The following ARHGEF7 variants were observed in gnomAD, a reference collection of about 807,000 sequenced individuals.
The protein encoded by ARHGEF7 is PAK-interacting exchange factor beta.
In ARHGEF7, 33 loss-of-function variants were observed where a neutral mutation model predicts 109.8. The observed-to-expected ratio is 0.30, with a 90% CI of 0.23 to 0.40. ARHGEF7 has a LOEUF of 0.40. ARHGEF7 is among the 10% of genes least tolerant of loss of function. The pLI, the probability that ARHGEF7 is intolerant of heterozygous loss-of-function variation, is 1.00. For missense variants in ARHGEF7, 938 were observed against 1,098.5 expected, an observed-to-expected ratio of 0.85 and a Z score of 2.07; for synonymous variants, 458 against 424.6, an observed-to-expected ratio of 1.08 and a Z score of -0.97.
Position 111,303,845 on chromosome 13 carries a change from G to C in ARHGEF7, c.*732G>C, listed in dbSNP as rs1181999724. On this transcript the variant is annotated 3_prime_UTR_variant, in exon 22 of 22. Coordinates refer to ENST00000646102, the MANE Select transcript of ARHGEF7 (RefSeq NM_001354046.2). The stretch of plus-strand genomic sequence containing the variant: ...CTAGAGGTGTTTGCTCTTGTCCGCT[G>C]TCTGAGTACTGTGATTCTCAGATGA... 6.6e-6 allele frequency: 1 copy of C among 152,284 alleles called. No individual in the cohort carries two copies. Among genetic ancestry groups the C allele is most frequent in the South Asian group, 2.1e-4 (1 of 4,832 alleles). 9.4% of individuals were successfully genotyped at this position (152,284 alleles called of 1,614,324 possible).
At chr13:111,277,543 A>T (rs1423515072) in intron 12 of ARHGEF7, 44 bp from the exon 13 acceptor site, 3 of 1,201,494 alleles carry the variant, frequency 2.5e-6, no homozygotes, top group Non-Finnish European at 3.7e-6. Context: ...TTTGTTAAGT[A>T]GATGTTTTTT....
intron 2 of ARHGEF7, among the ~76,000 whole-genome samples, chr13:111,196,817 A>G (rs1349340750): frequency 4.6e-5 from 7 of 152,176 alleles, no homozygotes; most frequent in East Asian, 3.8e-4. Context: ...AAAGCTGGAC[A>G]TAAGGTATTT....
chr13:111,121,642 T>A (rs1044708932), intron 1 of ARHGEF7, among the ~76,000 whole-genome samples: 1 of 152,200 alleles, frequency 6.6e-6, no homozygotes, highest in Non-Finnish European at 1.5e-5. Context: ...ATCATCCCTT[T>A]GGGCACGCAA....
chr13:111,129,232 T>C (rs184807097), intron 1 of ARHGEF7, among the ~76,000 whole-genome samples: 3 of 152,284 alleles, frequency 2.0e-5, no homozygotes, highest in East Asian at 1.9e-4. Flanking sequence ...TAGATCTAAA[T>C]GTAAAGCCTA....
intron 8 of ARHGEF7, among the ~76,000 whole-genome samples, chr13:111,256,555 G>T (rs1043321607): frequency 6.6e-6 from 1 of 152,124 alleles, no homozygotes. Context: ...TTGTCTTTTC[G>T]TGTTTGTGCC....
At chr13:111,297,558 A>G (rs2093455104) in intron 19 of ARHGEF7, among the ~76,000 whole-genome samples, 1 of 152,232 alleles carries the variant, frequency 6.6e-6, no homozygotes, top group Non-Finnish European at 1.5e-5. Flanking sequence ...ATATTTACAA[A>G]ATGTAATATT....
At chr13:111,195,503 C>G (rs535202494) in intron 2 of ARHGEF7, among the ~76,000 whole-genome samples, 3 of 152,326 alleles carry the variant, frequency 2.0e-5, no homozygotes, top group South Asian at 2.1e-4. Flanking sequence ...GAGATTAACA[C>G]TGAGAAGGCC....
At chr13:111,196,831 T>A (rs779324287) in intron 2 of ARHGEF7, among the ~76,000 whole-genome samples, 1 of 152,164 alleles carries the variant, frequency 6.6e-6, no homozygotes, top group Non-Finnish European at 1.5e-5. Flanking sequence ...GGTATTTCAA[T>A]CCATTTGCCT....
rs1566871250 is a variant in ARHGEF7, at chr13:111,221,347, A to ATAGATATATATAGACAT, written c.670+3469_670+3470insGATATATATAGACATTA. On this transcript the variant is annotated intron_variant, in intron 5 of 21. Transcript: ENST00000646102. ...TATATATGTCTATATATATCTATATATATGTCTATATATATATCTATATAT... is the reference window on the plus strand; with the variant it reads ...TATATATGTCTATATATATCTATATATAGATATATATAGACATTATGTCTATATATATATCTATATAT... Among the ~76,000 whole-genome samples the ATAGATATATATAGACAT allele has an allele frequency of 6.8e-4, 20 of 29,332 alleles. 7 individuals carry two copies. Among genetic ancestry groups the ATAGATATATATAGACAT allele is most frequent in the Non-Finnish European group, 1.0e-3 (15 of 14,616 alleles). The allele number at this position is 29,332 out of a possible 152,430, so 19.2% of individuals were successfully genotyped here.
intron 16 of ARHGEF7, among the ~76,000 whole-genome samples, chr13:111,284,790 GCCGCTCTGCAGC>G (rs1567082303): frequency 6.6e-6 from 1 of 152,150 alleles, no homozygotes; most frequent in South Asian, 2.1e-4. Flanking sequence ...GCTCGTGGAG[GCCGCTCTGCAGC>G]CCGCTCTGCC....
chr13:111,240,518 A>G (rs965161834), intron 6 of ARHGEF7, among the ~76,000 whole-genome samples: 3 of 152,172 alleles, frequency 2.0e-5, no homozygotes, highest in African/African-American at 7.2e-5. Context: ...AGCTTCTGGG[A>G]TTTCTTGTCA....
intron 2 of ARHGEF7, among the ~76,000 whole-genome samples, chr13:111,157,869 C>T (rs1245352520): frequency 6.6e-6 from 1 of 152,172 alleles, no homozygotes; most frequent in Non-Finnish European, 1.5e-5. Context: ...CCCTATGCAA[C>T]ATTGTCTGAT....
chr13:111,275,873 CT>C (rs1265606064), intron 12 of ARHGEF7, 195 bp downstream of exon 12: 2 of 644,996 alleles, frequency 3.1e-6, no homozygotes, highest in African/African-American at 3.7e-5. Context: ...TGAGTGTGGA[CT>C]TGTTGATCAG....
In ARHGEF7 at chr13:111,303,355, C is replaced by T. The variant is rs1037303047; in HGVS notation, c.*242C>T. ...CTACATCAATCCACTCTGTGAACAT[C>T]TCAGTTACCTCATTCTGCAATAAGT... On this transcript the variant is annotated 3_prime_UTR_variant, in exon 22 of 22. Coordinates refer to ENST00000646102, the MANE Select transcript of ARHGEF7 (RefSeq NM_001354046.2). The T allele has an allele frequency of 6.3e-6, 2 of 319,854 alleles. No homozygotes were observed. The allele number at this position is 319,854 out of a possible 1,614,324, so 19.8% of individuals were successfully genotyped here.
rs2092239242 is a variant in ARHGEF7 at position 111,272,609 on chromosome 13, C to G, written c.1074-1205C>G. On this transcript the variant is annotated intron_variant, in intron 9 of 21. Coordinates refer to ENST00000646102, the MANE Select transcript of ARHGEF7 (RefSeq NM_001354046.2). This position sits in a 1 kb window ranked among gnomAD's most constrained non-coding sequence, Gnocchi z 5.2. Reference sequence around the variant, plus strand: ...ACCAAGCTCTGCTGACTAGAGACCCCTATCTTCTAGGATGGGGCGTGGTGA... The same window carrying G: ...ACCAAGCTCTGCTGACTAGAGACCCGTATCTTCTAGGATGGGGCGTGGTGA... 6.6e-6 allele frequency among the ~76,000 whole-genome samples: 1 copy of G among 152,170 alleles called. No homozygotes were observed. Among genetic ancestry groups the G allele is most frequent in the African/African-American group, 2.4e-5 (1 of 41,450 alleles).
At chr13:111,155,108 G>A (rs1424844550) in intron 2 of ARHGEF7, among the ~76,000 whole-genome samples, 1 of 152,042 alleles carries the variant, frequency 6.6e-6, no homozygotes, top group African/African-American at 2.4e-5. Flanking sequence ...TAATGTTTAC[G>A]GGACTATGCC....
chr13:111,296,358 G>A (rs953827151), intron 19 of ARHGEF7, among the ~76,000 whole-genome samples: 5 of 152,160 alleles, frequency 3.3e-5, no homozygotes, highest in African/African-American at 1.2e-4. Flanking sequence ...GAGTGTTGCT[G>A]TGGGGTCCTG....
intron 19 of ARHGEF7, chr13:111,295,118 A>G: frequency 1.0e-6 from 1 of 983,200 alleles, no homozygotes; most frequent in Non-Finnish European, 1.2e-6. Context: ...TTGTGGTTGC[A>G]TATGGCAATG....
At chr13:111,294,339 G>A (rs987768287) in intron 19 of ARHGEF7, 13 of 985,328 alleles carry the variant, frequency 1.3e-5, no homozygotes, top group Non-Finnish European at 1.4e-5. Flanking sequence ...TCTCGTAGGC[G>A]TGGGTTGCCT....
Sources: allele counts gnomAD v4.1 joint callset (sites outside exome capture counted in the v4.1 genomes callset), GRCh38; gene constraint gnomAD v4.1.1; non-coding constraint Gnocchi (gnomAD v3.1); transcripts MANE v1.5; gene names NCBI Gene and HGNC (gene_info 2026-07-23, HGNC 2026-07-21).